The following NINL variants were observed in gnomAD, a reference collection of about 807,000 sequenced individuals.
NINL encodes the protein ninein-like protein.
Under a neutral mutation model 160.3 loss-of-function variants are expected in NINL, and 153 were observed. The ratio of observed to expected loss-of-function variants is 0.95; its 90% confidence interval spans 0.84 to 1.09. The LOEUF is 1.09. NINL is among the 50% of genes least tolerant of loss of function. The probability of loss-of-function intolerance (pLI) is 0.00; values close to 1 mark genes in which losing one functional copy is unlikely to be tolerated. For synonymous variants in NINL, 800 were observed against 734.8 expected, an observed-to-expected ratio of 1.09 and a Z score of -1.43; for missense variants, 1,829 against 1,764.0, an observed-to-expected ratio of 1.04 and a Z score of -0.66.
chr20:25,547,297 C>G (rs1383037437), intron 1 of NINL, among the ~76,000 whole-genome samples: 1 of 152,202 alleles, frequency 6.6e-6, no homozygotes, highest in African/African-American at 2.4e-5. Context: ...CCCCATCCAC[C>G]TCTTCATCTG....
chr20:25,529,693 A>C (rs148004040), intron 1 of NINL, among the ~76,000 whole-genome samples: 1 of 152,216 alleles, frequency 6.6e-6, no homozygotes, highest in African/African-American at 2.4e-5. Flanking sequence ...AGAAAGAACT[A>C]GCTGGGCGTG....
At chr20:25,537,613 T>C (rs925035321) in intron 1 of NINL, among the ~76,000 whole-genome samples, 3 of 152,136 alleles carry the variant, frequency 2.0e-5, no homozygotes, top group African/African-American at 7.2e-5. Flanking sequence ...GCGCCCCACA[T>C]GCACAGCAGT....
intron 1 of NINL, among the ~76,000 whole-genome samples, chr20:25,555,259 T>C (rs897230049): frequency 2.0e-5 from 3 of 152,156 alleles, no homozygotes; most frequent in Admixed American, 6.6e-5. Context: ...CTCAGGCACC[T>C]CTTCCGTAAC....
At chr20:25,462,353 G>GGGGAGC (rs3036810) in intron 20 of NINL, 30 bp downstream of exon 20, 2 of 1,605,602 alleles carry the variant, frequency 1.2e-6, no homozygotes, top group African/African-American at 1.3e-5. Context: ...CCAGCCTCCA[G>GGGGAGC]CTCAGCTCCC....
chr20:25,540,893 C>T (rs2064651897), intron 1 of NINL, among the ~76,000 whole-genome samples: 1 of 151,348 alleles, frequency 6.6e-6, no homozygotes, highest in South Asian at 2.1e-4. Context: ...TTTGCAGGCA[C>T]AGACCCAAAA....
chr20:25,478,432 A>G (rs1351816853), intron 16 of NINL, among the ~76,000 whole-genome samples: 1 of 152,202 alleles, frequency 6.6e-6, no homozygotes, highest in African/African-American at 2.4e-5. Flanking sequence ...AGACGTGGTC[A>G]CTTCACATGT....
chr20:25,494,528 G>C (rs2063709504), intron 10 of NINL, among the ~76,000 whole-genome samples: 1 of 152,196 alleles, frequency 6.6e-6, no homozygotes, highest in South Asian at 2.1e-4. Flanking sequence ...ACACCATGTA[G>C]AGGCACATGT....
At chr20:25,549,716 C>A (rs2064784282) in intron 1 of NINL, among the ~76,000 whole-genome samples, 1 of 152,212 alleles carries the variant, frequency 6.6e-6, no homozygotes, top group Admixed American at 6.5e-5. Context: ...GCACGGAAAG[C>A]CCACTCGGAC....
At chr20:25,469,214 GGGC>G in intron 18 of NINL, among the ~76,000 whole-genome samples, 1 of 99,008 alleles carries the variant, frequency 1.0e-5, no homozygotes, top group Non-Finnish European at 2.0e-5. Flanking sequence ...TCTCACTGGT[GGGC>G]GCCCGCCTGC....
At chr20:25,541,239 A>G (rs187933504) in intron 1 of NINL, among the ~76,000 whole-genome samples, 20 of 152,330 alleles carry the variant, frequency 1.3e-4, no homozygotes, top group Non-Finnish European at 1.5e-4. Context: ...CACCTCCCTG[A>G]ACCTCAGTTT....
chr20:25,476,986 G>C lies in NINL; in HGVS notation c.2305C>G (p.Leu769Val). ...LELEEPPQGP[L>V]PRGSQRSEQL... Reference sequence around the variant, plus strand: ...TCCGACCTCTGGCTCCCGCGTGGCAGGGGTCCCTGCGGCGGCTCCTCCAGC... The same window carrying C: ...TCCGACCTCTGGCTCCCGCGTGGCACGGGTCCCTGCGGCGGCTCCTCCAGC... Residue 769 changes from leucine to valine, a missense_variant, in exon 17 of 24, where the codon CTG (leucine) becomes GTG (valine). By Grantham distance (32) the Leu-to-Val change is conservative. Coordinates refer to ENST00000278886, the MANE Select transcript of NINL (RefSeq NM_025176.6). 1.9e-6 allele frequency: 3 copies of C among 1,605,008 alleles called. No individual in the cohort carries two copies. The highest frequency in any genetic ancestry group is 1.7e-6 in the Non-Finnish European group (2 of 1,179,812).
intron 2 of NINL, among the ~76,000 whole-genome samples, chr20:25,523,383 C>A (rs1443313117): frequency 6.6e-6 from 1 of 151,906 alleles, no homozygotes; most frequent in Non-Finnish European, 1.5e-5. Flanking sequence ...TCACAAGTAG[C>A]TGGAATTACA....
chr20:25,491,952 C>T (rs190635060), intron 10 of NINL, among the ~76,000 whole-genome samples: 130 of 152,350 alleles, frequency 8.5e-4, no homozygotes, highest in African/African-American at 3.0e-3. Context: ...ATTCCCAAAG[C>T]AATCTGAGGA....
intron 11 of NINL, among the ~76,000 whole-genome samples, chr20:25,490,424 G>C (rs957017497): frequency 6.6e-6 from 1 of 151,926 alleles, no homozygotes; most frequent in African/African-American, 2.4e-5. Context: ...GCCAGGCGTG[G>C]TGGCGGGAGC....
intron 2 of NINL, among the ~76,000 whole-genome samples, chr20:25,519,936 C>T (rs143358516): frequency 8.3e-6 from 1 of 120,678 alleles, no homozygotes; most frequent in Admixed American, 1.2e-4. Context: ...CCCAGGAGGT[C>T]GAGGCTACAG....
intron 19 of NINL, among the ~76,000 whole-genome samples, chr20:25,463,386 G>T (rs1288624447): frequency 1.3e-5 from 2 of 152,166 alleles, no homozygotes; most frequent in Non-Finnish European, 2.9e-5. Flanking sequence ...TCTGATCTCA[G>T]TCATTGAACA....
intron 1 of NINL, among the ~76,000 whole-genome samples, chr20:25,576,518 G>A (rs758215820): frequency 1.9e-4 from 29 of 152,172 alleles, no homozygotes; most frequent in Non-Finnish European, 3.7e-4. Flanking sequence ...GGAGTGCGGT[G>A]GTGCATCCCC....
chr20:25,519,739 G>A (rs942131879), intron 2 of NINL, among the ~76,000 whole-genome samples: 5 of 151,994 alleles, frequency 3.3e-5, no homozygotes, highest in African/African-American at 7.2e-5. Flanking sequence ...GAGAATGGCC[G>A]GGTGCGGTGG....
chr20:25,532,722 A>G (rs1450120927), intron 1 of NINL, among the ~76,000 whole-genome samples: 1 of 152,208 alleles, frequency 6.6e-6, no homozygotes, highest in Non-Finnish European at 1.5e-5. Flanking sequence ...CAGGTCTACA[A>G]GCCAGTCAAA....
Sources: allele counts gnomAD v4.1 joint callset (sites outside exome capture counted in the v4.1 genomes callset), GRCh38; gene constraint gnomAD v4.1.1; transcripts MANE v1.5; gene names NCBI Gene and HGNC (gene_info 2026-07-23, HGNC 2026-07-21).